Variants in GAREM1 observed in about 807,000 individuals in gnomAD.
The protein encoded by GAREM1 is GRB2 associated regulator of MAPK1 subtype 1, also known as GRB2-associated and regulator of MAPK protein 1.
GAREM1 carries 26 observed loss-of-function variants against 71.3 expected under a neutral mutation model. The ratio of observed to expected loss-of-function variants is 0.36; its 90% CI spans 0.27 to 0.51. The LOEUF (loss-of-function observed/expected upper bound fraction) is 0.51, where lower values mean the gene tolerates loss of function less well. Among genes scored for constraint, GAREM1 ranks in the 20% least tolerant of loss-of-function variants. The pLI is 0.95. For synonymous variants in GAREM1, 440 were observed against 433.2 expected, an observed-to-expected ratio of 1.02 and a Z score of -0.20; for missense variants, 1,026 against 1,103.1, an observed-to-expected ratio of 0.93 and a Z score of 0.99.
chr18:32,406,218 C>T (rs139732724), intron 1 of GAREM1, among the ~76,000 whole-genome samples: 21 of 152,062 alleles, frequency 1.4e-4, no homozygotes, highest in African/African-American at 4.6e-4. Context: ...TTTGTAGAGA[C>T]GGGGTTTCAC....
At chr18:32,331,388 T>C (rs2047533857) in intron 2 of GAREM1, among the ~76,000 whole-genome samples, 1 of 152,202 alleles carries the variant, frequency 6.6e-6, no homozygotes, top group Non-Finnish European at 1.5e-5. Flanking sequence ...CTTTCAGCGA[T>C]TTATCCAAAT....
chr18:32,334,298 C>G (rs914695705), intron 2 of GAREM1, among the ~76,000 whole-genome samples: 2 of 152,074 alleles, frequency 1.3e-5, no homozygotes, highest in Non-Finnish European at 2.9e-5. Context: ...TATTTAGATT[C>G]TACCGGCAAC....
intron 1 of GAREM1, among the ~76,000 whole-genome samples, chr18:32,404,600 G>C (rs144628646): frequency 7.9e-5 from 12 of 152,310 alleles, no homozygotes; most frequent in African/African-American, 2.6e-4. Context: ...TTTCACATTA[G>C]AGTAACTAGC....
chr18:32,337,921 T>C (rs757442436), intron 2 of GAREM1, among the ~76,000 whole-genome samples: 8 of 152,138 alleles, frequency 5.3e-5, no homozygotes, highest in African/African-American at 7.2e-5. Flanking sequence ...CTTGGTTGAA[T>C]GCAAAACACA....
intron 1 of GAREM1, among the ~76,000 whole-genome samples, chr18:32,450,254 G>T (rs2048823229): frequency 6.6e-6 from 1 of 152,098 alleles, no homozygotes; most frequent in Non-Finnish European, 1.5e-5. Flanking sequence ...TTCCCTGCTG[G>T]ATTAGAAAAT....
At chr18:32,313,921 G>A (rs1009693090) in intron 2 of GAREM1, among the ~76,000 whole-genome samples, 17 of 152,094 alleles carry the variant, frequency 1.1e-4, no homozygotes, top group African/African-American at 3.6e-4. Context: ...GAGGGACCAT[G>A]AGGGAGGAGT....
chr18:32,360,271 C>T (rs1455539998), intron 2 of GAREM1, among the ~76,000 whole-genome samples: 1 of 151,904 alleles, frequency 6.6e-6, no homozygotes, highest in Non-Finnish European at 1.5e-5. Context: ...CCCTTTCAAG[C>T]AATTAAGGAA....
At chr18:32,456,185 G>A (rs2048886617) in intron 1 of GAREM1, among the ~76,000 whole-genome samples, 1 of 151,926 alleles carries the variant, frequency 6.6e-6, no homozygotes, top group Admixed American at 6.6e-5. Flanking sequence ...TCAATTGATC[G>A]GAAAAATGTA....
intron 1 of GAREM1, among the ~76,000 whole-genome samples, chr18:32,452,293 G>T (rs2048847663): frequency 6.6e-6 from 1 of 152,100 alleles, no homozygotes; most frequent in Admixed American, 6.5e-5. Context: ...TGTCATTTGT[G>T]TCCCGGAAAG....
At chr18:32,348,584 C>T (rs777992034) in intron 2 of GAREM1, among the ~76,000 whole-genome samples, 34 of 152,028 alleles carry the variant, frequency 2.2e-4, no homozygotes, top group African/African-American at 8.0e-4. Context: ...ATTAGCTGGG[C>T]GTGGTGGTGC....
At chr18:32,315,761 A>C (rs2144528730) in intron 2 of GAREM1, among the ~76,000 whole-genome samples, 1 of 152,108 alleles carries the variant, frequency 6.6e-6, no homozygotes, top group East Asian at 1.9e-4. Flanking sequence ...TACATGATAC[A>C]ATCCTCTTAG....
intron 2 of GAREM1, among the ~76,000 whole-genome samples, 187 bp from the exon 3 acceptor site, chr18:32,310,510 G>A (rs933935719): frequency 4.6e-5 from 7 of 152,136 alleles, no homozygotes; most frequent in African/African-American, 1.7e-4. Flanking sequence ...TTTAAAATCA[G>A]CTTAAAAATG....
At chr18:32,387,034 TAAA>T (rs771568393) in intron 2 of GAREM1, among the ~76,000 whole-genome samples, 933 of 67,098 alleles carry the variant, frequency 0.014, 9 homozygotes, top group African/African-American at 0.054. Context: ...TTTTTTTTTT[TAAA>T]AAAAAATCAC....
chr18:32,326,192 C>T (rs1380130391), intron 2 of GAREM1, among the ~76,000 whole-genome samples: 1 of 152,178 alleles, frequency 6.6e-6, no homozygotes, highest in Non-Finnish European at 1.5e-5. Context: ...TTCAGGGTGG[C>T]TCACTGCCAC....
intron 2 of GAREM1, among the ~76,000 whole-genome samples, chr18:32,346,111 G>A (rs2047693603): frequency 1.3e-5 from 2 of 151,690 alleles, no homozygotes; most frequent in South Asian, 4.2e-4. Flanking sequence ...TGGCTCCTTT[G>A]TGGTCTGTTT....
chr18:32,425,270 A>G lies in GAREM1; in HGVS notation c.122-32235T>C, dbSNP rs550211006. Among the ~76,000 whole-genome samples the G allele has an allele frequency of 3.5e-3, 534 of 152,320 alleles. 2 individuals carry two copies. Among genetic ancestry groups the G allele is most frequent in the Admixed American group, 5.0e-3 (77 of 15,300 alleles). ...ATACAGTTAACCAATTTACTAAACC[A>G]TCACTGTGGCACAAAATTTTATTTG... On this transcript the variant is annotated intron_variant, in intron 1 of 5. Transcript: ENST00000269209.
chr18:32,379,018 G>T (rs1208088110), intron 2 of GAREM1, among the ~76,000 whole-genome samples: 1 of 152,144 alleles, frequency 6.6e-6, no homozygotes, highest in Admixed American at 6.5e-5. Context: ...TACGTTGAGT[G>T]CTTAGCTCTC....
chr18:32,271,038 T>C (rs1393336492), intron 4 of GAREM1, among the ~76,000 whole-genome samples: 1 of 149,412 alleles, frequency 6.7e-6, no homozygotes, highest in Non-Finnish European at 1.5e-5. Context: ...TCCCGAGAGG[T>C]GGGACCACAG....
At chr18:32,462,334 T>C (rs1419970152) in intron 1 of GAREM1, among the ~76,000 whole-genome samples, 2 of 152,248 alleles carry the variant, frequency 1.3e-5, no homozygotes, top group African/African-American at 4.8e-5. Flanking sequence ...TCGATCTCAC[T>C]GCGATTTTGA....
Sources: gnomAD v4.1 joint callset for allele counts (sites outside exome capture counted in the v4.1 genomes callset) on GRCh38, gnomAD v4.1.1 for gene constraint, MANE v1.5 for transcripts, NCBI Gene and HGNC (gene_info 2026-07-23, HGNC 2026-07-21) for gene names.